Variants in GUCA1C observed in about 807,000 individuals in gnomAD.
GUCA1C encodes the protein guanylate cyclase activator 1C, also known as guanylyl cyclase-activating protein 3.
GUCA1C carries 15 observed loss-of-function variants against 16.2 expected under a neutral mutation model. That is an observed-to-expected ratio of 0.93 (90% CI 0.62 to 1.43). The LOEUF (loss-of-function observed/expected upper bound fraction) is 1.43, where lower values mean the gene tolerates loss of function less well. GUCA1C is among the 40% of genes most tolerant of loss of function. The pLI is 0.00. For missense variants in GUCA1C, 275 were observed against 244.8 expected (o/e 1.12, Z -0.82); for synonymous variants, 78 against 85.4 (o/e 0.91, Z 0.48).
intron 1 of GUCA1C, among the ~76,000 whole-genome samples, chr3:108,949,013 A>G (rs1288818536): frequency 6.6e-6 from 1 of 151,848 alleles, no homozygotes; most frequent in Admixed American, 6.6e-5. Flanking sequence ...ACGCCCGGCT[A>G]ATTTTTGTAT....
rs1483721669 is a variant in GUCA1C at position 108,910,752 on chromosome 3, T to C, written c.443-2543A>G. 2.6e-5 allele frequency among the ~76,000 whole-genome samples: 4 copies of C among 151,608 alleles called. No homozygotes were observed. The South Asian group carries it at 6.3e-4, about 24-fold the overall frequency. On this transcript the variant is annotated intron_variant, in intron 3 of 3. Coordinates refer to ENST00000261047, the MANE Select transcript of GUCA1C (RefSeq NM_005459.4). ...GCAAGCTCCGCCTCCCGGGTTCACATCATTCTCCTGTCTCAGCCTCCCGAG... is the reference window on the plus strand; with the variant it reads ...GCAAGCTCCGCCTCCCGGGTTCACACCATTCTCCTGTCTCAGCCTCCCGAG...
chr3:108,932,901 C>T (rs377069886), intron 1 of GUCA1C, among the ~76,000 whole-genome samples: 83 of 100,184 alleles, frequency 8.3e-4, no homozygotes, highest in African/African-American at 3.2e-3. Flanking sequence ...CAGCCTGGGC[C>T]ACAAGAAAAA....
intron 1 of GUCA1C, among the ~76,000 whole-genome samples, chr3:108,937,791 A>C (rs1204064915): frequency 5.3e-5 from 8 of 152,104 alleles, no homozygotes; most frequent in Admixed American, 5.2e-4. Context: ...CTACAGAAGG[A>C]GGGGAACGCG....
At chr3:108,916,743 TACTGTCAGGGCCCAGGGGGCAAATG>T (rs1576544929) in intron 2 of GUCA1C, among the ~76,000 whole-genome samples, 1 of 152,152 alleles carries the variant, frequency 6.6e-6, no homozygotes, top group Non-Finnish European at 1.5e-5. Context: ...TTCTCCCACA[TACTGTCAGGGCCCAGGGGGCAAATG>T]ACATTTCCAG....
At chr3:108,943,960 TA>T (rs1946816810) in intron 1 of GUCA1C, among the ~76,000 whole-genome samples, 1 of 151,768 alleles carries the variant, frequency 6.6e-6, no homozygotes, top group Admixed American at 6.6e-5. Context: ...CCCAATAACT[TA>T]TAGAAAAAAT....
chr3:108,927,588 G>C (rs909919696), intron 1 of GUCA1C, among the ~76,000 whole-genome samples: 16 of 151,946 alleles, frequency 1.1e-4, no homozygotes, highest in Non-Finnish European at 1.9e-4. Context: ...CAGAAGTTGT[G>C]ATTGTTTTTT....
At chr3:108,931,454 G>C (rs1269207471) in intron 1 of GUCA1C, among the ~76,000 whole-genome samples, 1 of 152,264 alleles carries the variant, frequency 6.6e-6, no homozygotes, top group East Asian at 1.9e-4. Flanking sequence ...TTAGACAAGG[G>C]CATCCTCTTT....
chr3:108,927,153 T>C (rs951784482), intron 1 of GUCA1C, among the ~76,000 whole-genome samples: 3 of 152,196 alleles, frequency 2.0e-5, no homozygotes, highest in Non-Finnish European at 4.4e-5. Context: ...GCCTCGCAGC[T>C]CTTAAGATTC....
intron 2 of GUCA1C, among the ~76,000 whole-genome samples, chr3:108,917,683 T>C (rs530552684): frequency 2.0e-4 from 31 of 152,060 alleles, no homozygotes; most frequent in South Asian, 8.3e-4. Flanking sequence ...GTAGACTCTC[T>C]CTCCTGCAAT....
intron 2 of GUCA1C, among the ~76,000 whole-genome samples, chr3:108,916,549 T>C (rs1946517635): frequency 6.6e-6 from 1 of 152,192 alleles, no homozygotes; most frequent in Non-Finnish European, 1.5e-5. Flanking sequence ...AAAACAGATA[T>C]TGCTCTCAAT....
intron 1 of GUCA1C, among the ~76,000 whole-genome samples, chr3:108,944,167 T>C (rs1465841326): frequency 6.6e-6 from 1 of 151,958 alleles, no homozygotes; most frequent in Non-Finnish European, 1.5e-5. Context: ...CTTTAGAATA[T>C]ATATGGGGAA....
intron 1 of GUCA1C, 29 bp downstream of exon 1, chr3:108,953,530 C>A: frequency 1.4e-6 from 2 of 1,409,414 alleles, no homozygotes; most frequent in South Asian, 1.2e-5. Context: ...ACAGCATTTT[C>A]AAATGAAATG....
intron 2 of GUCA1C, among the ~76,000 whole-genome samples, chr3:108,917,879 T>C (rs1431507383): frequency 6.6e-6 from 1 of 152,096 alleles, no homozygotes; most frequent in Non-Finnish European, 1.5e-5. Flanking sequence ...ACCCCGTTTC[T>C]ACTAAAAATA....
At chr3:108,931,018 C>T (rs1379147295) in intron 1 of GUCA1C, among the ~76,000 whole-genome samples, 2 of 152,148 alleles carry the variant, frequency 1.3e-5, no homozygotes, top group African/African-American at 4.8e-5. Flanking sequence ...ACATTTACTC[C>T]CAGGCCTTCC....
At chr3:108,926,555 A>G (rs1345343969) in intron 1 of GUCA1C, among the ~76,000 whole-genome samples, 1 of 152,206 alleles carries the variant, frequency 6.6e-6, no homozygotes, top group Non-Finnish European at 1.5e-5. Flanking sequence ...ATCTCAGCTT[A>G]CTGAAAGCTC....
chr3:108,942,729 G>A (rs1190295158), intron 1 of GUCA1C, among the ~76,000 whole-genome samples: 1 of 152,144 alleles, frequency 6.6e-6, no homozygotes, highest in African/African-American at 2.4e-5. Context: ...CTCAAGCTTT[G>A]ATTCTTTATT....
At chr3:108,919,077 C>T (rs1274421594) in intron 2 of GUCA1C, among the ~76,000 whole-genome samples, 1 of 152,184 alleles carries the variant, frequency 6.6e-6, no homozygotes, top group Non-Finnish European at 1.5e-5. Flanking sequence ...ACCCTCTCCA[C>T]AGTGTGTAAG....
intron 1 of GUCA1C, 50 bp from the exon 2 acceptor site, chr3:108,920,635 GT>G (rs1946561698): frequency 4.5e-6 from 5 of 1,108,250 alleles, no homozygotes; most frequent in South Asian, 1.4e-5. Flanking sequence ...AAGAATAATT[GT>G]TTTTTATTTG....
intron 1 of GUCA1C, among the ~76,000 whole-genome samples, chr3:108,930,960 T>C (rs550829559): frequency 6.6e-6 from 1 of 152,326 alleles, no homozygotes; most frequent in Non-Finnish European, 1.5e-5. Context: ...GAAACAGGTC[T>C]GGAAGTGTGG....
Sources: allele counts gnomAD v4.1 joint callset (sites outside exome capture counted in the v4.1 genomes callset), GRCh38; gene constraint gnomAD v4.1.1; transcripts MANE v1.5; gene names NCBI Gene and HGNC (gene_info 2026-07-23, HGNC 2026-07-21).